The following ZSCAN25 variants were observed in gnomAD, a reference collection of about 807,000 sequenced individuals.
ZSCAN25 encodes the protein zinc finger and SCAN domain containing 25.
A neutral mutation model predicts 38.7 loss-of-function variants in ZSCAN25; 27 were observed. The ratio of observed to expected loss-of-function variants is 0.70; its 90% confidence interval spans 0.51 to 0.96. ZSCAN25 has a LOEUF of 0.96. ZSCAN25 is among the 40% of genes least tolerant of loss of function. The probability of loss-of-function intolerance (pLI) is 0.00; values close to 1 mark genes in which losing one functional copy is unlikely to be tolerated. For missense variants in ZSCAN25, 637 were observed against 705.9 expected (o/e 0.90, Z 1.11); for synonymous variants, 273 against 277.7 (o/e 0.98, Z 0.17).
chr7:99,644,295 T>G, the ZSCAN25 span, among the ~76,000 whole-genome samples: 3 of 152,104 alleles, frequency 2.0e-5, no homozygotes, highest in Non-Finnish European at 1.5e-5. Context: ...TGCACTTGAC[T>G]GATGCCAAGC....
the ZSCAN25 span, chr7:99,663,068 G>C: frequency 7.5e-7 from 1 of 1,329,942 alleles, no homozygotes; most frequent in East Asian, 3.1e-5. Context: ...AAAGCAGGAT[G>C]TTTTCCTGAA....
At chr7:99,621,039 C>T (rs746696857) in intron 4 of ZSCAN25, 66 of 180,078 alleles carry the variant, frequency 3.7e-4, no homozygotes, top group Non-Finnish European at 7.0e-4. Flanking sequence ...TTTTTATTTT[C>T]AGCTTTTTCA....
chr7:99,660,305 G>C, the ZSCAN25 span: 2 of 1,101,870 alleles, frequency 1.8e-6, no homozygotes, highest in Non-Finnish European at 2.2e-6. Flanking sequence ...ATTGTACAAA[G>C]ATCTTATGCT....
the ZSCAN25 span, among the ~76,000 whole-genome samples, chr7:99,697,907 T>A: frequency 6.6e-6 from 1 of 152,196 alleles, no homozygotes; most frequent in Admixed American, 6.5e-5. Flanking sequence ...AATCTCTGCT[T>A]CTACACTTTC....
the ZSCAN25 span, chr7:99,638,516 C>T: frequency 6.6e-6 from 10 of 1,504,752 alleles, no homozygotes; most frequent in South Asian, 3.4e-5. Flanking sequence ...CTACGAAGAT[C>T]AGACCTTGGG....
chr7:99,721,468 C>T, the ZSCAN25 span, among the ~76,000 whole-genome samples: 1 of 152,040 alleles, frequency 6.6e-6, no homozygotes, highest in Non-Finnish European at 1.5e-5. Flanking sequence ...CATTTATGAG[C>T]ACATATTCGA....
chr7:99,677,166 T>A, the ZSCAN25 span: 3 of 985,428 alleles, frequency 3.0e-6, no homozygotes, highest in Non-Finnish European at 3.6e-6. Flanking sequence ...ATGAGTCATG[T>A]GCAAACTCCT....
In ZSCAN25 at chr7:99,629,091, G is replaced by A. The variant is rs1157356749; in HGVS notation, c.806-100G>A. The A allele has an allele frequency of 6.8e-7, 1 of 1,479,190 alleles. No homozygotes were observed. Among genetic ancestry groups the A allele is most frequent in the East Asian group, 2.3e-5 (1 of 42,838 alleles). The allele number at this position is 1,479,190 out of a possible 1,614,324, so 91.6% of individuals were successfully genotyped here. On this transcript the variant is annotated intron_variant, in intron 7 of 7. Transcript: ENST00000394152. The surrounding 1 kb of genome is among the most constrained non-coding windows in gnomAD (Gnocchi z 5.6). ...TGAGGTTGTTGGTCAAAGGAAAAAA[G>A]AGAAGGAACCATGAATGGGACCCCT...
the ZSCAN25 span, among the ~76,000 whole-genome samples, chr7:99,649,057 A>G: frequency 4.6e-5 from 7 of 152,180 alleles, no homozygotes; most frequent in Non-Finnish European, 5.9e-5. Context: ...GGGAGCCACC[A>G]ACAGAGTAAC....
intron 4 of ZSCAN25, 180 bp downstream of exon 4, chr7:99,620,173 A>AG (rs1806826802): frequency 3.5e-6 from 3 of 869,250 alleles, no homozygotes; most frequent in Admixed American, 5.9e-5. Context: ...GGCCATTCCC[A>AG]GGGGAGATGC....
chr7:99,714,776 T>C, the ZSCAN25 span: 3 of 1,561,166 alleles, frequency 1.9e-6, no homozygotes, highest in Non-Finnish European at 2.6e-6. Flanking sequence ...ATCAGAAGAG[T>C]GAAATACATC....
chr7:99,697,704 A>G, the ZSCAN25 span, among the ~76,000 whole-genome samples: 1 of 152,216 alleles, frequency 6.6e-6, no homozygotes, highest in Admixed American at 6.5e-5. Flanking sequence ...AATATGTGGT[A>G]AAATACAACT....
the ZSCAN25 span, chr7:99,674,249 A>C: frequency 1.4e-5 from 4 of 290,268 alleles, no homozygotes; most frequent in African/African-American, 8.7e-5. Flanking sequence ...GTAGCTAACA[A>C]TAATTATCTC....
chr7:99,714,492 T>C, the ZSCAN25 span: 1 of 1,600,336 alleles, frequency 6.2e-7, no homozygotes, highest in Admixed American at 1.7e-5. Flanking sequence ...GCACCGATCA[T>C]ATGTATATTT....
chr7:99,733,426 A>G, the ZSCAN25 span, among the ~76,000 whole-genome samples: 6,813 of 152,194 alleles, frequency 0.045, 473 homozygotes, highest in East Asian at 0.25. Flanking sequence ...TTTTGTTACA[A>G]TGAAGAGGCT....
the ZSCAN25 span, among the ~76,000 whole-genome samples, chr7:99,719,030 T>C: frequency 1.3e-5 from 2 of 152,222 alleles, no homozygotes; most frequent in Non-Finnish European, 2.9e-5. Flanking sequence ...AGGCATACTA[T>C]GTTCATGAAT....
chr7:99,638,641 A>G, the ZSCAN25 span: 1 of 1,582,398 alleles, frequency 6.3e-7, no homozygotes, highest in African/African-American at 1.3e-5. Context: ...CACAGTGGGA[A>G]TTGTGGTCAC....
At chr7:99,617,452 G>A (rs1255416261) in intron 1 of ZSCAN25, among the ~76,000 whole-genome samples, 5 of 152,114 alleles carry the variant, frequency 3.3e-5, no homozygotes, top group Non-Finnish European at 7.4e-5. Context: ...GTGGTGGCAC[G>A]CGCCTGAGGT....
chr7:99,622,327 C>T, intron 5 of ZSCAN25: 1 of 576,210 alleles, frequency 1.7e-6, no homozygotes, highest in Non-Finnish European at 3.1e-6. Context: ...ACAATCTTGC[C>T]AGCTGAGAAC....
Sources: gnomAD v4.1 joint callset for allele counts (sites outside exome capture counted in the v4.1 genomes callset) on GRCh38, gnomAD v4.1.1 for gene constraint, Gnocchi (gnomAD v3.1) non-coding constraint, MANE v1.5 for transcripts, NCBI Gene and HGNC (gene_info 2026-07-23, HGNC 2026-07-21) for gene names.